The following ADAMTS3 variants were observed in gnomAD, a reference collection of about 807,000 sequenced individuals.
The protein encoded by ADAMTS3 is A disintegrin and metalloproteinase with thrombospondin motifs 3.
In ADAMTS3, 73 loss-of-function variants were observed where a neutral mutation model predicts 129.0. The observed-to-expected ratio is 0.57, with a 90% CI of 0.47 to 0.69. The LOEUF is 0.69. Ranked by LOEUF, ADAMTS3 falls within the 30% of genes least tolerant of loss-of-function variation. The pLI is 0.00. For missense variants in ADAMTS3, 1,457 were observed against 1,514.5 expected (o/e 0.96, Z 0.63); for synonymous variants, 477 against 510.8 (o/e 0.93, Z 0.89).
chr4:72,521,956 GC>G (rs1338860651), intron 3 of ADAMTS3, among the ~76,000 whole-genome samples: 1 of 152,114 alleles, frequency 6.6e-6, no homozygotes, highest in Non-Finnish European at 1.5e-5. Flanking sequence ...AATTGAGGTG[GC>G]TCTAAAACAT....
chr4:72,529,719 A>G (rs1385791377), intron 3 of ADAMTS3, among the ~76,000 whole-genome samples: 1 of 101,270 alleles, frequency 9.9e-6, no homozygotes, highest in Non-Finnish European at 1.9e-5. Context: ...AATATAATAT[A>G]TATTAATTAA....
At chr4:72,398,831 T>C (rs1721795378) in intron 4 of ADAMTS3, among the ~76,000 whole-genome samples, 1 of 152,170 alleles carries the variant, frequency 6.6e-6, no homozygotes, top group African/African-American at 2.4e-5. Flanking sequence ...ATCCCACTCC[T>C]GAGTCCCATT....
At chr4:72,489,457 T>G (rs1287525520) in intron 3 of ADAMTS3, among the ~76,000 whole-genome samples, 2 of 151,960 alleles carry the variant, frequency 1.3e-5, no homozygotes, top group African/African-American at 2.4e-5. Context: ...CATGAATCAT[T>G]CCTTTGTCCA....
At chr4:72,547,776 C>T (rs2109786794) in intron 3 of ADAMTS3, among the ~76,000 whole-genome samples, 1 of 151,994 alleles carries the variant, frequency 6.6e-6, no homozygotes, top group East Asian at 1.9e-4. Context: ...ATTATTAGAC[C>T]CAACAGACAC....
At chr4:72,352,329 A>G (rs1184339088) in intron 4 of ADAMTS3, among the ~76,000 whole-genome samples, 1 of 152,016 alleles carries the variant, frequency 6.6e-6, no homozygotes, top group Non-Finnish European at 1.5e-5. Context: ...ATTTCTAAGA[A>G]AGAATGTGAT....
At chr4:72,286,302 A>G (rs533820476) in intron 21 of ADAMTS3, among the ~76,000 whole-genome samples, 18 of 152,232 alleles carry the variant, frequency 1.2e-4, no homozygotes, top group Non-Finnish European at 2.2e-4. Flanking sequence ...TGGTGACAGT[A>G]TATGTTAAAA....
At chr4:72,421,421 A>G (rs1172005425) in intron 3 of ADAMTS3, among the ~76,000 whole-genome samples, 4 of 152,184 alleles carry the variant, frequency 2.6e-5, no homozygotes, top group Non-Finnish European at 5.9e-5. Context: ...GTAGGTGCAT[A>G]ACACTTGAGG....
At chr4:72,541,085 G>A (rs1194945341) in intron 3 of ADAMTS3, among the ~76,000 whole-genome samples, 1 of 152,122 alleles carries the variant, frequency 6.6e-6, no homozygotes, top group East Asian at 1.9e-4. Context: ...CTCAACATCA[G>A]CCCATGATAG....
chr4:72,319,708 A>C, intron 8 of ADAMTS3, 150 bp downstream of exon 8: 1 of 779,290 alleles, frequency 1.3e-6, no homozygotes, highest in Non-Finnish European at 2.1e-6. Context: ...GTTTCCGTGC[A>C]TGACCTCTTC....
intron 3 of ADAMTS3, among the ~76,000 whole-genome samples, chr4:72,461,651 T>G (rs1029697214): frequency 6.6e-6 from 1 of 151,928 alleles, no homozygotes; most frequent in Non-Finnish European, 1.5e-5. Flanking sequence ...ACTGATACTC[T>G]TAACACCTTT....
intron 3 of ADAMTS3, among the ~76,000 whole-genome samples, chr4:72,433,004 C>A (rs994487121): frequency 2.0e-5 from 3 of 151,976 alleles, no homozygotes; most frequent in Admixed American, 2.0e-4. Flanking sequence ...AGTTCTCATT[C>A]TTTCAATGAA....
intron 3 of ADAMTS3, among the ~76,000 whole-genome samples, chr4:72,519,262 C>T (rs1720588715): frequency 6.6e-6 from 1 of 152,188 alleles, no homozygotes. Context: ...TCTCTGCCTG[C>T]CCTTAACATT....
intron 4 of ADAMTS3, among the ~76,000 whole-genome samples, chr4:72,398,647 G>C (rs112996378): frequency 6.6e-6 from 1 of 152,106 alleles, no homozygotes; most frequent in Non-Finnish European, 1.5e-5. Flanking sequence ...AATTCAACCA[G>C]ATATTTATGA....
At chr4:72,465,478 G>A (rs1194802046) in intron 3 of ADAMTS3, among the ~76,000 whole-genome samples, 1 of 151,912 alleles carries the variant, frequency 6.6e-6, no homozygotes, top group Non-Finnish European at 1.5e-5. Flanking sequence ...TAGGGTGGGA[G>A]GGTTAAAAGT....
intron 4 of ADAMTS3, among the ~76,000 whole-genome samples, chr4:72,395,073 T>C (rs1808731): frequency 0.97 from 148,187 of 152,132 alleles, 72,317 homozygotes; most frequent in East Asian, 1. Context: ...TACAGGCATG[T>C]GCCACTACAC....
At chr4:72,516,179 C>T (rs1327203328) in intron 3 of ADAMTS3, among the ~76,000 whole-genome samples, 1 of 152,096 alleles carries the variant, frequency 6.6e-6, no homozygotes, top group Non-Finnish European at 1.5e-5. Context: ...GGGCTCTGTT[C>T]TGTTCCATTG....
At chr4:72,563,091 G>A (rs867085775) in intron 2 of ADAMTS3, among the ~76,000 whole-genome samples, 3 of 152,100 alleles carry the variant, frequency 2.0e-5, no homozygotes, top group Non-Finnish European at 4.4e-5. Flanking sequence ...GACCTTGAGG[G>A]TTTTTTAACA....
At chr4:72,298,950 A>C (rs2109782377) in intron 17 of ADAMTS3, among the ~76,000 whole-genome samples, 1 of 152,082 alleles carries the variant, frequency 6.6e-6, no homozygotes, top group South Asian at 2.1e-4. Flanking sequence ...GAAAATATAT[A>C]CATTATGGAA....
chr4:72,426,886 C>A (rs1340233307), intron 3 of ADAMTS3, among the ~76,000 whole-genome samples: 1 of 151,914 alleles, frequency 6.6e-6, no homozygotes, highest in Non-Finnish European at 1.5e-5. Flanking sequence ...AGGGCAAGAC[C>A]CCATCTCAAA....
Sources: allele counts gnomAD v4.1 joint callset (sites outside exome capture counted in the v4.1 genomes callset), GRCh38; gene constraint gnomAD v4.1.1; transcripts MANE v1.5; gene names NCBI Gene and HGNC (gene_info 2026-07-23, HGNC 2026-07-21).